Variants in DLGAP2 observed in about 807,000 individuals in gnomAD.
DLGAP2 encodes disks large-associated protein 2.
Under a neutral mutation model 100.3 loss-of-function variants are expected in DLGAP2, and 26 were observed. The observed-to-expected ratio is 0.26, with a 90% CI of 0.19 to 0.36. DLGAP2 has a LOEUF of 0.36. DLGAP2 is among the 10% of genes least tolerant of loss of function. The pLI is 1.00. For synonymous variants in DLGAP2, 886 were observed against 630.1 expected, an observed-to-expected ratio of 1.41 and a Z score of -6.08; for missense variants, 1,858 against 1,453.2, an observed-to-expected ratio of 1.28 and a Z score of -4.53.
intron 2 of DLGAP2, among the ~76,000 whole-genome samples, chr8:924,058 G>A (rs1798766497): frequency 6.6e-6 from 1 of 152,160 alleles, no homozygotes; most frequent in Admixed American, 6.5e-5. Context: ...ATTGCGTATT[G>A]ATGGCTGTAG....
chr8:1,201,978 G>A (rs1235225538), intron 2 of DLGAP2, among the ~76,000 whole-genome samples: 1 of 144,648 alleles, frequency 6.9e-6, no homozygotes, highest in Admixed American at 7.0e-5. Context: ...CAGTATCTGT[G>A]TATCTGTGTA....
intron 2 of DLGAP2, among the ~76,000 whole-genome samples, chr8:1,038,420 A>G (rs1298873320): frequency 6.6e-6 from 1 of 152,202 alleles, no homozygotes; most frequent in Non-Finnish European, 1.5e-5. Context: ...CCAGGAAACA[A>G]GAAAAACACC....
intron 2 of DLGAP2, among the ~76,000 whole-genome samples, chr8:1,157,068 G>A (rs1054375478): frequency 4.6e-5 from 7 of 152,098 alleles, no homozygotes; most frequent in Non-Finnish European, 7.4e-5. Flanking sequence ...TGAGGGACTC[G>A]GTGGTGTCAG....
At chr8:1,491,038 A>T (rs999383737) in intron 3 of DLGAP2, among the ~76,000 whole-genome samples, 17 of 110,774 alleles carry the variant, frequency 1.5e-4, no homozygotes, top group South Asian at 6.0e-4. Context: ...AATAAAATTT[A>T]AAAAAATAAA....
chr8:1,045,643 C>A (rs74770360), intron 2 of DLGAP2, among the ~76,000 whole-genome samples: 1 of 152,148 alleles, frequency 6.6e-6, no homozygotes, highest in Non-Finnish European at 1.5e-5. Flanking sequence ...CAACCGCGCC[C>A]CCACCCAGGT....
chr8:1,689,487 C>A (rs959495601), intron 12 of DLGAP2, among the ~76,000 whole-genome samples: 2 of 152,256 alleles, frequency 1.3e-5, no homozygotes, highest in Admixed American at 1.3e-4. Context: ...TTTTCCTACA[C>A]CATTTTCCAC....
chr8:1,284,285 G>A (rs1416134066), intron 3 of DLGAP2, among the ~76,000 whole-genome samples: 3 of 152,170 alleles, frequency 2.0e-5, no homozygotes, highest in Non-Finnish European at 4.4e-5. Flanking sequence ...TAGAGCCTGT[G>A]CTGAAGATGA....
chr8:1,374,017 G>A (rs1802322168), intron 3 of DLGAP2, among the ~76,000 whole-genome samples: 2 of 146,864 alleles, frequency 1.4e-5, no homozygotes, highest in South Asian at 2.4e-4. Context: ...TAAGCTGAGG[G>A]GTGGGGCGTT....
intron 2 of DLGAP2, among the ~76,000 whole-genome samples, chr8:1,025,683 T>C (rs1801777758): frequency 6.6e-6 from 1 of 152,114 alleles, no homozygotes; most frequent in Non-Finnish European, 1.5e-5. Flanking sequence ...CTGGCTCTGA[T>C]AAAGTGCTAC....
At chr8:1,071,464 G>T (rs1374110588) in intron 2 of DLGAP2, among the ~76,000 whole-genome samples, 1 of 152,162 alleles carries the variant, frequency 6.6e-6, no homozygotes, top group African/African-American at 2.4e-5. Context: ...GCTGTCCTCA[G>T]CTACCAGTCA....
intron 2 of DLGAP2, among the ~76,000 whole-genome samples, chr8:1,049,354 C>G (rs1022284890): frequency 6.6e-6 from 1 of 152,170 alleles, no homozygotes; most frequent in Non-Finnish European, 1.5e-5. Flanking sequence ...CAGACACCTT[C>G]TTCCCGTGAC....
At chr8:906,240 G>A (rs1652873443) in intron 1 of DLGAP2, among the ~76,000 whole-genome samples, 1 of 152,236 alleles carries the variant, frequency 6.6e-6, no homozygotes, top group African/African-American at 2.4e-5. Flanking sequence ...GGCTGTTAAT[G>A]GGACGTTGGC....
At chr8:1,021,572 C>T (rs1801623581) in intron 2 of DLGAP2, among the ~76,000 whole-genome samples, 1 of 152,196 alleles carries the variant, frequency 6.6e-6, no homozygotes, top group Admixed American at 6.5e-5. Context: ...GTCTTGATCT[C>T]AGGCAGTCAG....
At chr8:1,458,006 ATATAT>A (rs1293910960) in intron 3 of DLGAP2, among the ~76,000 whole-genome samples, 2 of 97,630 alleles carry the variant, frequency 2.0e-5, no homozygotes, top group East Asian at 6.7e-4. Context: ...ATATATATAT[ATATAT>A]ATAATTTTTT....
intron 2 of DLGAP2, among the ~76,000 whole-genome samples, chr8:1,061,073 C>G (rs1438941706): frequency 2.0e-5 from 3 of 152,184 alleles, no homozygotes; most frequent in Non-Finnish European, 2.9e-5. Context: ...CCTGATGCAC[C>G]CTACACCTTT....
At chr8:1,431,467 G>C (rs552393012) in intron 3 of DLGAP2, among the ~76,000 whole-genome samples, 1 of 152,320 alleles carries the variant, frequency 6.6e-6, no homozygotes, top group East Asian at 1.9e-4. Context: ...CGTGGGCAAA[G>C]GACAATGCAT....
At chr8:1,682,483 T>C (rs1798976567) in intron 12 of DLGAP2, among the ~76,000 whole-genome samples, 1 of 152,034 alleles carries the variant, frequency 6.6e-6, no homozygotes, top group Admixed American at 6.6e-5. Flanking sequence ...TATAGTATTT[T>C]TTTTTTTTTG....
chr8:1,425,276 CTT>C lies in DLGAP2; in HGVS notation c.107-76089_107-76088del, dbSNP rs1563138943. The stretch of plus-strand genomic sequence containing the variant: ...TCTGTATTTTAAAGAATATAAAAGA[CTT>C]AGCCATGCCCATGGTAAATGGGGGG... On this transcript the variant is annotated intron_variant, in intron 3 of 14. Transcript: ENST00000637795. Among the ~76,000 whole-genome samples, 6 of 152,260 alleles carry C rather than the reference CTT, an allele frequency of 3.9e-5. No homozygotes were observed. In the East Asian group the frequency reaches 7.7e-4, roughly 20 times the overall value.
intron 4 of DLGAP2, among the ~76,000 whole-genome samples, chr8:1,526,425 C>T (rs563606232): frequency 3.7e-4 from 56 of 152,144 alleles, no homozygotes; most frequent in African/African-American, 1.3e-3. Flanking sequence ...AGTGGTGGAG[C>T]TGGATTTAGA....
Sources: allele counts gnomAD v4.1 joint callset (sites outside exome capture counted in the v4.1 genomes callset), GRCh38; gene constraint gnomAD v4.1.1; transcripts MANE v1.5; gene names NCBI Gene and HGNC (gene_info 2026-07-23, HGNC 2026-07-21).